The following SMC2 variants were observed in gnomAD, a reference collection of about 807,000 sequenced individuals.
SMC2 encodes the protein structural maintenance of chromosomes 2.
Under a neutral mutation model 142.6 loss-of-function variants are expected in SMC2, and 41 were observed. The ratio of observed to expected loss-of-function variants is 0.29; its 90% confidence interval spans 0.22 to 0.37. The LOEUF (loss-of-function observed/expected upper bound fraction) is 0.37, where lower values mean the gene tolerates loss of function less well. Among genes scored for constraint, SMC2 ranks in the 10% least tolerant of loss-of-function variants. The pLI is 1.00. For synonymous variants in SMC2, 463 were observed against 457.5 expected (o/e 1.01, Z -0.15); for missense variants, 1,265 against 1,373.7 (o/e 0.92, Z 1.25).
intron 23 of SMC2, among the ~76,000 whole-genome samples, chr9:104,137,757 C>T (rs1835704473): frequency 6.6e-6 from 1 of 151,868 alleles, no homozygotes; most frequent in Admixed American, 6.6e-5. Flanking sequence ...GAATAGGTGC[C>T]AAACGTAATA....
intron 15 of SMC2, among the ~76,000 whole-genome samples, chr9:104,119,408 C>A (rs1453315856): frequency 6.6e-6 from 1 of 152,248 alleles, no homozygotes; most frequent in African/African-American, 2.4e-5. Context: ...CAACATAATA[C>A]CTCAACCTGT....
In SMC2 at chr9:104,114,696, C is replaced by T; in HGVS notation, c.1538C>T (p.Pro513Leu). 1.2e-6 allele frequency: 2 copies of T among 1,609,358 alleles called. No individual in the cohort carries two copies. Among genetic ancestry groups the T allele is most frequent in the Non-Finnish European group, 1.7e-6 (2 of 1,177,852 alleles). The change falls in exon 13 of 25, where the codon CCA becomes CTA. Residue 513 changes from proline (P) to leucine (L), a missense_variant. Pro to Leu is a moderately conservative substitution (Grantham distance 98). Around this residue, in one of 4 missense-constraint regions of SMC2, gnomAD observed 898 missense variants for 904.2 expected, o/e 0.99. Transcript: ENST00000374793. ...FPNLRFAYKD[P>L]EKNWNRNCVK... ...TGTCAACTTTTGTATTTCAGGGATC[C>T]AGAGAAGAACTGGAATAGAAATTGT...
At chr9:104,105,744 A>G (rs1831689321) in intron 9 of SMC2, among the ~76,000 whole-genome samples, 1 of 152,112 alleles carries the variant, frequency 6.6e-6, no homozygotes, top group South Asian at 2.1e-4. Context: ...GTTGGTGTAC[A>G]CTGTGACATT....
At position 104,098,076 on chromosome 9, in the gene SMC2, A is replaced by G. The variant is rs1458123562; in HGVS notation, c.319-370A>G. Among the ~76,000 whole-genome samples the G allele has an allele frequency of 2.0e-5, 3 of 152,356 alleles. No homozygotes were observed. The East Asian group carries it at 5.8e-4, about 29-fold the overall frequency. On this transcript the variant is annotated intron_variant, in intron 3 of 24. Transcript: ENST00000374793. The stretch of plus-strand genomic sequence containing the variant: ...TACTAAGCTACTTTGTCTGACATCT[A>G]TTCCTGTTGAAAAGTAGAGAAAGCC...
intron 3 of SMC2, 76 bp downstream of exon 3, chr9:104,096,373 A>G (rs1830446224): frequency 2.1e-6 from 3 of 1,421,172 alleles, no homozygotes; most frequent in African/African-American, 1.4e-5. Context: ...TGCCTTTGCA[A>G]AACGTGCTAG....
chr9:104,135,752 A>G, intron 23 of SMC2: 1 of 474,654 alleles, frequency 2.1e-6, no homozygotes, highest in Non-Finnish European at 4.1e-6. Flanking sequence ...CTTGTTAAAC[A>G]CTATGTAAGC....
intron 9 of SMC2, among the ~76,000 whole-genome samples, chr9:104,110,793 T>C (rs1045697271): frequency 6.6e-6 from 1 of 152,218 alleles, no homozygotes; most frequent in Non-Finnish European, 1.5e-5. Flanking sequence ...TCCAGTCTTC[T>C]GTTCAAATGG....
At chr9:104,135,094 GTGTTCTTTAAAGAAGGT>G (rs1302095937) in intron 23 of SMC2, among the ~76,000 whole-genome samples, 5 of 152,070 alleles carry the variant, frequency 3.3e-5, no homozygotes, top group African/African-American at 1.2e-4. Context: ...ACAAAGGCCA[GTGTTCTTTAAAGAAGGT>G]TAAAAAAAAT....
intron 21 of SMC2, among the ~76,000 whole-genome samples, chr9:104,131,406 G>A (rs1471277206): frequency 6.6e-6 from 1 of 152,092 alleles, no homozygotes; most frequent in African/African-American, 2.4e-5. Flanking sequence ...TTATCCTGAT[G>A]CATACAGGGC....
At position 104,118,179 on chromosome 9, in the gene SMC2, T is replaced by G. The variant is rs1476738386; in HGVS notation, c.1800T>G (p.Pro600=). 2 of 1,613,606 alleles carry G rather than the reference T, an allele frequency of 1.2e-6. No individual in the cohort carries two copies. The highest frequency in any genetic ancestry group is 2.7e-5 in the African/African-American group (2 of 74,936). Residue 600 remains proline (P), a synonymous_variant, in exon 15 of 25, where the codon CCT becomes CCG. Coordinates refer to ENST00000374793, the MANE Select transcript of SMC2 (RefSeq NM_006444.3). ...CTGTTGTTGTCCCACAGGTTGGCCC[T>G]GACAACGTTCATGTGGCTCTTTCCT... ...TLRVAQNLVG[P]DNVHVALSLV...
At chr9:104,125,295 A>T (rs183582285) in intron 18 of SMC2, among the ~76,000 whole-genome samples, 190 bp downstream of exon 18, 32 of 152,250 alleles carry the variant, frequency 2.1e-4, no homozygotes, top group Admixed American at 1.8e-3. Context: ...TCAAATCCAA[A>T]ATACAAATTA....
At chr9:104,113,621 C>A in intron 11 of SMC2, 146 bp downstream of exon 11, 1 of 586,366 alleles carries the variant, frequency 1.7e-6, no homozygotes, top group Non-Finnish European at 2.7e-6. Flanking sequence ...TAAATATCGT[C>A]AAAAAATACC....
At chr9:104,091,317 TATAAC>T (rs1829978889), upstream of SMC2, among the ~76,000 whole-genome samples, 1 of 152,240 alleles carries the variant, frequency 6.6e-6, no homozygotes, top group Admixed American at 6.5e-5. Flanking sequence ...TGTAGGTAAC[TATAAC>T]ACAATGTTGT....
Position 104,100,499 on chromosome 9 carries a change from T to C in SMC2, c.636+66T>C, listed in dbSNP as rs886095244. ...TTCAAAGTCAGCAATGTATCCAAAA[T>C]CATACACATAGTGATACTATTTCTT... On this transcript the variant is annotated intron_variant, in intron 7 of 24. Transcript: ENST00000374793. 2.9e-6 allele frequency: 3 copies of C among 1,017,274 alleles called. No homozygotes were observed. In the African/African-American group the frequency reaches 5.0e-5, roughly 17 times the overall value. 63.0% of individuals were successfully genotyped at this position (1,017,274 alleles called of 1,614,324 possible).
intron 18 of SMC2, among the ~76,000 whole-genome samples, chr9:104,125,600 C>T (rs1263582212): frequency 2.0e-5 from 3 of 152,078 alleles, no homozygotes; most frequent in Non-Finnish European, 4.4e-5. Context: ...GGCCTTTCTT[C>T]AGGAGTGGAT....
At chr9:104,089,686 C>T (rs1416212601), upstream of SMC2, among the ~76,000 whole-genome samples, 1 of 152,012 alleles carries the variant, frequency 6.6e-6, no homozygotes, top group Non-Finnish European at 1.5e-5. Flanking sequence ...AGCTCTGTCA[C>T]CAGGCTGGAG....
Position 104,139,359 on chromosome 9 carries a change from A to C in SMC2, c.*44A>C. 1.3e-6 allele frequency: 2 copies of C among 1,499,324 alleles called. No individual in the cohort carries two copies. The allele number at this position is 1,499,324 out of a possible 1,614,324, so 92.9% of individuals were successfully genotyped here. A position where few individuals can be genotyped will look rare whatever the true frequency, so the allele number is the denominator to read the frequency against. On this transcript the variant is annotated 3_prime_UTR_variant, in exon 25 of 25. Transcript: ENST00000374793. Reference sequence around the variant, plus strand: ...CATCTTGACCTGTTTTTTTAAATGTAAACTTTTAAGGACTTGAGATAACTA... The same window carrying C: ...CATCTTGACCTGTTTTTTTAAATGTCAACTTTTAAGGACTTGAGATAACTA...
upstream of SMC2, among the ~76,000 whole-genome samples, chr9:104,090,902 T>A (rs1004305299): frequency 2.6e-5 from 4 of 152,002 alleles, no homozygotes; most frequent in African/African-American, 7.2e-5. Flanking sequence ...ATAATAGAAA[T>A]CATAATGAAA....
chr9:104,101,929 A>G, intron 7 of SMC2, 31 bp from the exon 8 acceptor site: 4 of 1,324,014 alleles, frequency 3.0e-6, no homozygotes, highest in Non-Finnish European at 4.2e-6. Context: ...TACAATTTTG[A>G]GTTATTCTTT....
Sources: allele counts gnomAD v4.1 joint callset (sites outside exome capture counted in the v4.1 genomes callset), GRCh38; gene constraint gnomAD v4.1.1; regional missense constraint gnomAD v4.1.1; transcripts MANE v1.5; gene names NCBI Gene and HGNC (gene_info 2026-07-23, HGNC 2026-07-21).